APBB2: variants seen among roughly 807,000 people sequenced by gnomAD.
APBB2 encodes the protein amyloid beta precursor protein binding family B member 2.
Under a neutral mutation model 82.5 loss-of-function variants are expected in APBB2, and 38 were observed. The ratio of observed to expected loss-of-function variants is 0.46; its 90% confidence interval spans 0.36 to 0.60. APBB2 has a LOEUF of 0.60. APBB2 is among the 20% of genes least tolerant of loss of function. APBB2 has a pLI of 0.00. For synonymous variants in APBB2, 341 were observed against 368.2 expected, an observed-to-expected ratio of 0.93 and a Z score of 0.85; for missense variants, 772 against 972.3, an observed-to-expected ratio of 0.79 and a Z score of 2.74.
chr4:41,033,238 G>A lies in APBB2; in HGVS notation c.17C>T (p.Pro6Leu), dbSNP rs2154442723. Reference protein sequence around the residue: MSEVLPADSGVDTLAV... With the variant: MSEVLLADSGVDTLAV... ...AAATATGAGAAAATGTATCTGACCT[G>A]GAAGTACTTCTGACATGGATCACCA... Residue 6 changes from proline to leucine, a missense_variant and splice_region_variant, in exon 5 of 18, where the codon CCA (proline) becomes CTA (leucine). Pro to Leu is a moderately conservative substitution (Grantham distance 98). Transcript: ENST00000508593. The A allele has an allele frequency of 1.3e-6, 2 of 1,580,726 alleles. No individual in the cohort carries two copies. The highest frequency in any genetic ancestry group is 1.7e-6 in the Non-Finnish European group (2 of 1,152,380).
intron 2 of APBB2, among the ~76,000 whole-genome samples, chr4:41,100,956 G>A (rs1317502536): frequency 2.6e-5 from 4 of 152,044 alleles, no homozygotes; most frequent in Non-Finnish European, 2.9e-5. Flanking sequence ...TCGATCTGTC[G>A]CCTTATTAAA....
intron 11 of APBB2, 174 bp downstream of exon 11, chr4:40,893,091 G>C: frequency 1.5e-6 from 1 of 664,466 alleles, no homozygotes. Flanking sequence ...ATCTGGCAGT[G>C]CTAAGGGATC....
intron 6 of APBB2, among the ~76,000 whole-genome samples, chr4:40,946,169 T>G (rs540934544): frequency 6.9e-6 from 1 of 144,922 alleles, no homozygotes; most frequent in African/African-American, 2.6e-5. Flanking sequence ...GAGGCGGAGG[T>G]TGCAGTGAGC....
intron 1 of APBB2, among the ~76,000 whole-genome samples, chr4:41,176,121 C>T (rs1006938445): frequency 5.9e-5 from 9 of 152,094 alleles, no homozygotes; most frequent in Middle Eastern, 3.2e-3. Context: ...ACTCTAAACA[C>T]AAAATTCTGT....
rs1340078312 is a variant in APBB2, at chr4:41,174,136, T to G, written c.-416-30994A>C. On this transcript the variant is annotated intron_variant, in intron 1 of 17. Transcript: ENST00000508593. ...TTTTTCAGGGTGTGTTAAACTGCAA[T>G]AGCAGATAAATTTTCCTGGGCCCAG... Among the ~76,000 whole-genome samples the G allele has an allele frequency of 3.3e-5, 5 of 152,214 alleles. No individual in the cohort carries two copies. In the East Asian group the frequency reaches 9.6e-4, roughly 29 times the overall value.
intron 1 of APBB2, among the ~76,000 whole-genome samples, chr4:41,162,446 C>T (rs1403594215): frequency 6.6e-6 from 1 of 152,168 alleles, no homozygotes; most frequent in African/African-American, 2.4e-5. Context: ...CTCCCCACAA[C>T]GCTCTTCATT....
In APBB2 at chr4:41,175,857, G is replaced by A. The variant is rs537059130; in HGVS notation, c.-416-32715C>T. ...TAAAAATCTAGGATTCTACACTCAA[G>A]ATATTCACAAGTATTTTAAAGTTCT... is the stretch of plus-strand genomic sequence containing the variant. On this transcript the variant is annotated intron_variant, in intron 1 of 17. Transcript: ENST00000508593. Among the ~76,000 whole-genome samples, 7 of 152,242 alleles carry A rather than the reference G, an allele frequency of 4.6e-5. No homozygotes were observed. The South Asian group carries it at 1.5e-3, about 32-fold the overall frequency.
At chr4:41,155,778 C>T (rs1167667936) in intron 1 of APBB2, among the ~76,000 whole-genome samples, 2 of 152,204 alleles carry the variant, frequency 1.3e-5, no homozygotes, top group African/African-American at 2.4e-5. Flanking sequence ...AGGAGCTATT[C>T]ACCCAATCAA....
chr4:41,083,429 G>A (rs1025461775), intron 3 of APBB2, among the ~76,000 whole-genome samples: 1 of 151,734 alleles, frequency 6.6e-6, no homozygotes, highest in South Asian at 2.1e-4. Flanking sequence ...AGTGGCTCAC[G>A]CCTGTAATCT....
chr4:40,879,558 C>T (rs1767842761), intron 12 of APBB2, among the ~76,000 whole-genome samples: 1 of 152,074 alleles, frequency 6.6e-6, no homozygotes, highest in Non-Finnish European at 1.5e-5. Flanking sequence ...GTCACCAACT[C>T]GTTAGTTGAG....
intron 6 of APBB2, among the ~76,000 whole-genome samples, chr4:40,960,844 C>T (rs1337931631): frequency 1.3e-5 from 2 of 151,992 alleles, no homozygotes; most frequent in Non-Finnish European, 2.9e-5. Flanking sequence ...CATGGCCACC[C>T]GATATAAACG....
At chr4:41,073,578 C>A (rs1318829763) in intron 3 of APBB2, among the ~76,000 whole-genome samples, 1 of 152,204 alleles carries the variant, frequency 6.6e-6, no homozygotes. Context: ...ATACACAATA[C>A]TTGGCAGAGC....
At chr4:41,067,919 A>G (rs539485097) in intron 3 of APBB2, among the ~76,000 whole-genome samples, 1 of 152,272 alleles carries the variant, frequency 6.6e-6, no homozygotes, top group South Asian at 2.1e-4. Context: ...TACAGGCTGA[A>G]GGACTCAGTT....
At chr4:40,834,811 C>A (rs1753296784) in intron 12 of APBB2, among the ~76,000 whole-genome samples, 1 of 152,060 alleles carries the variant, frequency 6.6e-6, no homozygotes, top group Non-Finnish European at 1.5e-5. Context: ...GAAACACAGC[C>A]CAGCCAACAC....
intron 5 of APBB2, among the ~76,000 whole-genome samples, chr4:41,016,198 G>A (rs2154430931): frequency 6.6e-6 from 1 of 152,258 alleles, no homozygotes; most frequent in East Asian, 1.9e-4. Flanking sequence ...ATTTATATTA[G>A]GCTGCTTTAT....
At chr4:40,893,204 GC>G (rs1772560851) in intron 11 of APBB2, 60 bp downstream of exon 11, 1 of 1,582,796 alleles carries the variant, frequency 6.3e-7, no homozygotes, top group Non-Finnish European at 8.6e-7. Flanking sequence ...GAGCTGTGGG[GC>G]TTCCTGAAAT....
At chr4:41,176,244 C>T (rs1027118327) in intron 1 of APBB2, among the ~76,000 whole-genome samples, 24 of 152,208 alleles carry the variant, frequency 1.6e-4, no homozygotes, top group African/African-American at 5.5e-4. Context: ...TCACAGAAAG[C>T]ATAAAGAGTC....
At chr4:41,114,196 C>G (rs890084759) in intron 2 of APBB2, among the ~76,000 whole-genome samples, 3 of 152,150 alleles carry the variant, frequency 2.0e-5, no homozygotes, top group African/African-American at 7.2e-5. Context: ...CGTAATCCAC[C>G]ACATAAACAG....
At chr4:40,906,133 G>A (rs745590001) in intron 10 of APBB2, among the ~76,000 whole-genome samples, 1 of 152,124 alleles carries the variant, frequency 6.6e-6, no homozygotes, top group Non-Finnish European at 1.5e-5. Context: ...TGTATTCTAA[G>A]CATAGATTCT....
Sources: allele counts gnomAD v4.1 joint callset (sites outside exome capture counted in the v4.1 genomes callset), GRCh38; gene constraint gnomAD v4.1.1; transcripts MANE v1.5; gene names NCBI Gene and HGNC (gene_info 2026-07-23, HGNC 2026-07-21).